RBKS: variants seen among roughly 807,000 people sequenced by gnomAD.
The protein encoded by RBKS is ribokinase.
RBKS carries 33 observed loss-of-function variants against 33.9 expected under a neutral mutation model. The observed-to-expected ratio is 0.97, with a 90% CI of 0.74 to 1.30. RBKS has a LOEUF of 1.30. Among genes scored for constraint, RBKS ranks in the 50% most tolerant of loss-of-function variants. RBKS has a pLI of 0.00. For synonymous variants in RBKS, 125 were observed against 143.0 expected (o/e 0.87, Z 0.90); for missense variants, 361 against 392.6 (o/e 0.92, Z 0.68).
chr2:27,844,327 G>A (rs933858551), intron 4 of RBKS, among the ~76,000 whole-genome samples: 5 of 150,562 alleles, frequency 3.3e-5, no homozygotes, highest in Admixed American at 6.6e-5. Context: ...AAATACAAGC[G>A]GATTTCAAAG....
chr2:27,832,510 C>G (rs1287093359), intron 6 of RBKS, among the ~76,000 whole-genome samples, 176 bp downstream of exon 6: 1 of 152,008 alleles, frequency 6.6e-6, no homozygotes, highest in Admixed American at 6.5e-5. Flanking sequence ...CCTTTTTTCC[C>G]CCCTAGGATT....
chr2:27,802,828 C>A (rs375398680), intron 7 of RBKS, among the ~76,000 whole-genome samples: 1 of 152,094 alleles, frequency 6.6e-6, no homozygotes, highest in Non-Finnish European at 1.5e-5. Context: ...GATGAGAACC[C>A]GCGTGGCATG....
At chr2:27,840,348 ACACACACG>A (rs1202396504) in intron 5 of RBKS, among the ~76,000 whole-genome samples, 4 of 136,240 alleles carry the variant, frequency 2.9e-5, no homozygotes, top group African/African-American at 9.5e-5. Context: ...ACACACACAC[ACACACACG>A]CGCGCGCGCA....
At chr2:27,865,715 A>AT (rs1356683077) in intron 1 of RBKS, among the ~76,000 whole-genome samples, 4 of 151,020 alleles carry the variant, frequency 2.6e-5, no homozygotes, top group East Asian at 2.0e-4. Context: ...TGCCTGGCTG[A>AT]TTTTTTCCCC....
chr2:27,849,874 A>C (rs1663704379), intron 2 of RBKS, among the ~76,000 whole-genome samples: 1 of 152,170 alleles, frequency 6.6e-6, no homozygotes, highest in African/African-American at 2.4e-5. Context: ...GCTCAAAACC[A>C]GAAAACTATG....
At chr2:27,831,103 G>A (rs556907145) in intron 6 of RBKS, among the ~76,000 whole-genome samples, 10 of 152,286 alleles carry the variant, frequency 6.6e-5, no homozygotes, top group African/African-American at 2.2e-4. Flanking sequence ...CCCAGGCATC[G>A]CGTGGGAGAG....
At chr2:27,827,870 G>A in intron 6 of RBKS, 115 bp from the exon 7 acceptor site, 1 of 836,564 alleles carries the variant, frequency 1.2e-6, no homozygotes, top group Non-Finnish European at 1.7e-6. Flanking sequence ...CCAATGCAAT[G>A]GGAACCTTGA....
At chr2:27,862,759 A>C (rs1664016065) in intron 1 of RBKS, among the ~76,000 whole-genome samples, 1 of 152,220 alleles carries the variant, frequency 6.6e-6, no homozygotes, top group Non-Finnish European at 1.5e-5. Flanking sequence ...AACCCAGACT[A>C]AGACAGTTTA....
intron 7 of RBKS, among the ~76,000 whole-genome samples, chr2:27,814,958 A>G (rs1340629961): frequency 6.6e-6 from 1 of 152,230 alleles, no homozygotes; most frequent in Non-Finnish European, 1.5e-5. Context: ...TAAGCACATG[A>G]CATTCATGCA....
chr2:27,790,909 C>G (rs1210246691), intron 7 of RBKS, among the ~76,000 whole-genome samples: 1 of 152,182 alleles, frequency 6.6e-6, no homozygotes, highest in Admixed American at 6.5e-5. Context: ...CCCAGCAATT[C>G]TATTCCTAGC....
At chr2:27,806,052 T>C (rs1243708671) in intron 7 of RBKS, among the ~76,000 whole-genome samples, 1 of 151,970 alleles carries the variant, frequency 6.6e-6, no homozygotes, top group African/African-American at 2.4e-5. Context: ...GTTAATTTTT[T>C]TGGTATTTTT....
intron 1 of RBKS, among the ~76,000 whole-genome samples, chr2:27,879,348 T>G (rs541122489): frequency 1.2e-4 from 18 of 152,294 alleles, no homozygotes; most frequent in African/African-American, 4.3e-4. Context: ...GAAATTTAAT[T>G]GCCAGTGAAA....
intron 7 of RBKS, among the ~76,000 whole-genome samples, chr2:27,821,824 T>C (rs1678217128): frequency 6.6e-6 from 1 of 152,306 alleles, no homozygotes; most frequent in East Asian, 1.9e-4. Context: ...AGTTCAAAAT[T>C]AGCCTTATTA....
chr2:27,789,213 C>A (rs189815110), intron 7 of RBKS, among the ~76,000 whole-genome samples: 2 of 152,234 alleles, frequency 1.3e-5, no homozygotes, highest in African/African-American at 4.8e-5. Context: ...GGTTGAGTAT[C>A]CCTTATCTGA....
intron 7 of RBKS, among the ~76,000 whole-genome samples, chr2:27,824,170 G>C (rs1358088821): frequency 2.0e-5 from 3 of 152,140 alleles, no homozygotes; most frequent in East Asian, 3.8e-4. Context: ...TTACTTAGTA[G>C]TATGTTTTCA....
At chr2:27,861,341 G>GT (rs1377769902) in intron 1 of RBKS, 16 of 402,722 alleles carry the variant, frequency 4.0e-5, no homozygotes, top group Non-Finnish European at 7.3e-5. Context: ...TGGAGGTGTT[G>GT]ATTAGGGAAG....
chr2:27,863,880 AT>A (rs1416862610), intron 1 of RBKS, among the ~76,000 whole-genome samples: 2 of 152,224 alleles, frequency 1.3e-5, no homozygotes, highest in African/African-American at 2.4e-5. Context: ...AGTGACATCT[AT>A]TTCTACCTCT....
chr2:27,849,464 G>A (rs970929253), intron 2 of RBKS, among the ~76,000 whole-genome samples: 8 of 145,368 alleles, frequency 5.5e-5, no homozygotes. Context: ...TTGAGAGGCT[G>A]AGGTAGAACT....
intron 7 of RBKS, among the ~76,000 whole-genome samples, chr2:27,818,664 T>C (rs534315796): frequency 1.3e-5 from 2 of 152,348 alleles, no homozygotes; most frequent in East Asian, 3.9e-4. Context: ...GAGTCCAGCA[T>C]GATGCCTGGC....
Sources: gnomAD v4.1 joint callset for allele counts (sites outside exome capture counted in the v4.1 genomes callset) on GRCh38, gnomAD v4.1.1 for gene constraint, MANE v1.5 for transcripts, NCBI Gene and HGNC (gene_info 2026-07-23, HGNC 2026-07-21) for gene names.